Variants in RNF212B observed in about 807,000 individuals in gnomAD.
The protein encoded by RNF212B is ring finger protein 212B, also known as E3 ubiquitin-protein ligase RNF212B.
RNF212B carries 52 observed loss-of-function variants against 55.5 expected under a neutral mutation model. The observed-to-expected ratio is 0.94, with a 90% CI of 0.75 to 1.18. The LOEUF (loss-of-function observed/expected upper bound fraction) is 1.18. Ranked by LOEUF, RNF212B falls within the 50% of genes most tolerant of loss-of-function variation. The pLI is 0.00. For synonymous variants in RNF212B, 99 were observed against 121.4 expected, an observed-to-expected ratio of 0.82 and a Z score of 1.21; for missense variants, 289 against 350.4, an observed-to-expected ratio of 0.82 and a Z score of 1.40.
intron 4 of RNF212B, among the ~76,000 whole-genome samples, chr14:23,251,124 C>T (rs1308044788): frequency 1.3e-5 from 2 of 152,100 alleles, no homozygotes; most frequent in East Asian, 1.9e-4. Context: ...TTATGCCTGA[C>T]GTAAAGTGTT....
At position 23,269,936 on chromosome 14, in the gene RNF212B, A is replaced by G; in HGVS notation, c.748A>G (p.Arg250Gly). ...CCCAAATGGGCATTCAGGCCACACAAGAGTCCTCACCCCCAACAATTTTGG... is the reference window on the plus strand; with the variant it reads ...CCCAAATGGGCATTCAGGCCACACAGGAGTCCTCACCCCCAACAATTTTGG... ...PSPNGHSGHT[R>G]VLTPNNFAQR... Residue 250 changes from arginine to glycine, a missense_variant, in exon 13 of 15, where the codon AGA becomes GGA. Arg to Gly is a moderately radical substitution (Grantham distance 125). Coordinates refer to ENST00000430154, the MANE Select transcript of RNF212B (RefSeq NM_001282322.3). The G allele has an allele frequency of 1.3e-6, 2 of 1,547,132 alleles. No individual in the cohort carries two copies. Among genetic ancestry groups the G allele is most frequent in the Admixed American group, 2.0e-5 (1 of 51,000 alleles).
upstream of RNF212B, among the ~76,000 whole-genome samples, chr14:23,234,728 C>T (rs956237888): frequency 2.0e-5 from 3 of 152,226 alleles, no homozygotes; most frequent in Non-Finnish European, 4.4e-5. Flanking sequence ...ATGGGGCTAA[C>T]GCCCCACTCC....
intron 10 of RNF212B, 65 bp downstream of exon 10, chr14:23,264,299 A>G: frequency 7.8e-7 from 1 of 1,286,370 alleles, no homozygotes; most frequent in South Asian, 1.3e-5. Context: ...GCAAAGGTTT[A>G]TCAAGAACTT....
chr14:23,251,595 C>T (rs1012653425), intron 4 of RNF212B, among the ~76,000 whole-genome samples: 9 of 152,182 alleles, frequency 5.9e-5, no homozygotes, highest in Non-Finnish European at 1.0e-4. Context: ...GCGGGCAGAT[C>T]ACCTGAGGTC....
intron 14 of RNF212B, 139 bp from the exon 15 acceptor site, chr14:23,272,684 T>C: frequency 3.0e-6 from 2 of 669,374 alleles, no homozygotes; most frequent in Non-Finnish European, 5.4e-6. Context: ...AAGTTAGTTA[T>C]CATGCAATGA....
At chr14:23,233,404 T>TAA (rs34772395), upstream of RNF212B, among the ~76,000 whole-genome samples, 1,055 of 137,290 alleles carry the variant, frequency 7.7e-3, 15 homozygotes, top group African/African-American at 0.026. Context: ...AATGATCAAT[T>TAA]AAAAAAAAAA....
rs528579722 is a variant in RNF212B, at chr14:23,201,000, T to C, written c.-2+7599T>C. 1.8e-3 allele frequency among the ~76,000 whole-genome samples: 278 copies of C among 152,342 alleles called. 1 individual carries two copies. Among genetic ancestry groups the C allele is most frequent in the African/African-American group, 6.3e-3 (264 of 41,586 alleles). On this transcript the variant is annotated intron_variant, in intron 2 of 15. Coordinates refer to the RNF212B transcript ENST00000399910. ...ACAAATATGCTCCAAATTTTGTTCATGGGAGTATACTAAATTGTTGAAAGC... is the reference window on the plus strand; with the variant it reads ...ACAAATATGCTCCAAATTTTGTTCACGGGAGTATACTAAATTGTTGAAAGC...
At chr14:23,224,251 T>C (rs565489048) in intron 2 of RNF212B, among the ~76,000 whole-genome samples, 3 of 151,086 alleles carry the variant, frequency 2.0e-5, no homozygotes, top group Admixed American at 1.3e-4. Context: ...AAAAAAGCTA[T>C]CCTAAAATTT....
chr14:23,229,053 A>G (rs185085028), intron 2 of RNF212B, among the ~76,000 whole-genome samples: 3 of 151,570 alleles, frequency 2.0e-5, no homozygotes, highest in African/African-American at 7.3e-5. Flanking sequence ...GCTAACCTCT[A>G]ATCTACTTTC....
intron 12 of RNF212B, among the ~76,000 whole-genome samples, chr14:23,269,168 G>A (rs898318450): frequency 2.6e-5 from 4 of 152,194 alleles, no homozygotes; most frequent in African/African-American, 9.7e-5. Context: ...GCCGGGAGCG[G>A]TGTCACGTGC....
chr14:23,261,739 A>G (rs909719607), intron 7 of RNF212B, among the ~76,000 whole-genome samples: 1 of 152,166 alleles, frequency 6.6e-6, no homozygotes, highest in Non-Finnish European at 1.5e-5. Flanking sequence ...AGGTGGGCGG[A>G]TCATGGGGTC....
intron 12 of RNF212B, 101 bp from the exon 13 acceptor site, chr14:23,269,762 C>G: frequency 1.6e-6 from 1 of 636,530 alleles, no homozygotes; most frequent in Middle Eastern, 2.6e-4. Flanking sequence ...GGAATTTTTT[C>G]CTCTCTGGCC....
intron 2 of RNF212B, among the ~76,000 whole-genome samples, chr14:23,202,240 G>C (rs1427336035): frequency 3.1e-5 from 3 of 95,290 alleles, no homozygotes; most frequent in Non-Finnish European, 6.0e-5. Context: ...AACAGAACAA[G>C]ACCCTGTCTT....
At position 23,273,033 on chromosome 14, in the gene RNF212B, ACCCT is replaced by A; in HGVS notation, c.*143_*146del. On this transcript the variant is annotated 3_prime_UTR_variant, in exon 15 of 15. Transcript: ENST00000430154. ...TGTACCTTATGCTCCCCCCATCTTT[ACCCT>A]ATTCACCCTTATCACCTCCCAGGAC... 1 of 529,928 alleles carries A rather than the reference ACCCT, an allele frequency of 1.9e-6. No homozygotes were observed. Among genetic ancestry groups the A allele is most frequent in the Non-Finnish European group, 3.3e-6 (1 of 302,210 alleles). The allele number at this position is 529,928 out of a possible 1,614,324, so 32.8% of individuals were successfully genotyped here. A position where few individuals can be genotyped will look rare whatever the true frequency, so the allele number is the denominator to read the frequency against.
In RNF212B at chr14:23,258,560, C is replaced by A. The variant is rs763243831; in HGVS notation, c.240C>A (p.Phe80Leu). ...YFSHISQVWSFQKKQTDLLIA... is the reference protein window; with the variant it reads ...YFSHISQVWSLQKKQTDLLIA... ...TTTTTCCCTAGTAGGTGTGGAGTTT[C>A]CAGAAGAAACAAACAGATCTCCTCA... The change falls in exon 5 of 15, where the codon TTC (phenylalanine) becomes TTA (leucine). Residue 80 changes from phenylalanine to leucine, a missense_variant. Transcript: ENST00000430154. 6.5e-6 allele frequency: 10 copies of A among 1,527,442 alleles called. No individual in the cohort carries two copies. Among genetic ancestry groups the A allele is most frequent in the Non-Finnish European group, 8.8e-6 (10 of 1,133,970 alleles). 94.6% of individuals were successfully genotyped at this position (1,527,442 alleles called of 1,614,324 possible). A position where few individuals can be genotyped will look rare whatever the true frequency, so the allele number is the denominator to read the frequency against.
At chr14:23,213,961 A>C (rs531464016) in intron 2 of RNF212B, among the ~76,000 whole-genome samples, 16 of 152,162 alleles carry the variant, frequency 1.1e-4, no homozygotes, top group Non-Finnish European at 1.6e-4. Context: ...ATTTTAAAGG[A>C]GCCACCATAA....
At chr14:23,267,055 A>T (rs923305311) in intron 11 of RNF212B, among the ~76,000 whole-genome samples, 1 of 151,604 alleles carries the variant, frequency 6.6e-6, no homozygotes, top group Non-Finnish European at 1.5e-5. Flanking sequence ...TGCAGCCTCC[A>T]CCTTCCAGGC....
chr14:23,197,391 G>A (rs917121445), intron 2 of RNF212B, among the ~76,000 whole-genome samples: 1 of 152,112 alleles, frequency 6.6e-6, no homozygotes, highest in Non-Finnish European at 1.5e-5. Context: ...GCCATGTGTG[G>A]TGGTACATGC....
At chr14:23,223,674 T>C (rs907494910) in intron 2 of RNF212B, among the ~76,000 whole-genome samples, 1 of 152,146 alleles carries the variant, frequency 6.6e-6, no homozygotes, top group African/African-American at 2.4e-5. Context: ...TTTTCAGATC[T>C]GGAATGTGAT....
Sources: allele counts gnomAD v4.1 joint callset (sites outside exome capture counted in the v4.1 genomes callset), GRCh38; gene constraint gnomAD v4.1.1; transcripts MANE v1.5; gene names NCBI Gene and HGNC (gene_info 2026-07-23, HGNC 2026-07-21).